The following IQGAP2 variants were observed in gnomAD, a reference collection of about 807,000 sequenced individuals.
IQGAP2 encodes the protein IQ motif containing GTPase activating protein 2.
Under a neutral mutation model 201.3 loss-of-function variants are expected in IQGAP2, and 173 were observed. The ratio of observed to expected loss-of-function variants is 0.86; its 90% CI spans 0.76 to 0.98. The LOEUF (loss-of-function observed/expected upper bound fraction) is 0.98, where lower values mean the gene tolerates loss of function less well. IQGAP2 is among the 50% of genes least tolerant of loss of function. The probability of loss-of-function intolerance (pLI) is 0.00; values close to 1 mark genes in which losing one functional copy is unlikely to be tolerated. For missense variants in IQGAP2, 1,687 were observed against 1,864.8 expected, an observed-to-expected ratio of 0.90 and a Z score of 1.76; for synonymous variants, 675 against 673.9, an observed-to-expected ratio of 1.00 and a Z score of -0.03.
chr5:76,627,521 C>T (rs777608005), intron 14 of IQGAP2, 21 bp downstream of exon 14: 5 of 1,318,400 alleles, frequency 3.8e-6, no homozygotes, highest in Non-Finnish European at 3.3e-6. Context: ...ACCTCCTTTG[C>T]TCTTGAAACT....
chr5:76,658,301 ATT>A (rs962149732), intron 20 of IQGAP2, among the ~76,000 whole-genome samples, 156 bp from the exon 21 acceptor site: 3 of 152,270 alleles, frequency 2.0e-5, no homozygotes, highest in East Asian at 3.9e-4. Flanking sequence ...CCTTGTCCAG[ATT>A]TTAAATTGTG....
chr5:76,413,994 T>G (rs1368290239), intron 1 of IQGAP2, among the ~76,000 whole-genome samples: 1 of 152,160 alleles, frequency 6.6e-6, no homozygotes, highest in African/African-American at 2.4e-5. Context: ...TCTACAAAGT[T>G]AATGAAATTT....
chr5:76,512,935 A>G (rs13166808), intron 2 of IQGAP2, among the ~76,000 whole-genome samples: 1 of 152,150 alleles, frequency 6.6e-6, no homozygotes, highest in African/African-American at 2.4e-5. Flanking sequence ...CACGCCTGTA[A>G]TCCCAGCTAC....
At chr5:76,465,997 C>A (rs1296999656) in intron 2 of IQGAP2, among the ~76,000 whole-genome samples, 1 of 152,070 alleles carries the variant, frequency 6.6e-6, no homozygotes, top group Non-Finnish European at 1.5e-5. Flanking sequence ...ATATTCCCAG[C>A]TGCCTTCTTT....
rs541994564 is a variant in IQGAP2, at chr5:76,626,918, A to G, written c.1522-492A>G. 8.5e-5 allele frequency among the ~76,000 whole-genome samples: 13 copies of G among 152,320 alleles called. No homozygotes were observed. The East Asian group carries it at 2.5e-3, about 29-fold the overall frequency. On this transcript the variant is annotated intron_variant, in intron 13 of 35. Transcript: ENST00000274364. ...AGAGACTCGTGTGAAGGTCTAGAAC[A>G]GGAAGGGGGAAGTAAACGGGTGTGA...
At chr5:76,571,708 G>A (rs1260968282) in intron 4 of IQGAP2, among the ~76,000 whole-genome samples, 1 of 152,080 alleles carries the variant, frequency 6.6e-6, no homozygotes, top group Admixed American at 6.6e-5. Flanking sequence ...TTTTAAACTT[G>A]TTATTTTGAA....
At chr5:76,607,407 CTA>C (rs1747888392) in intron 12 of IQGAP2, 1 of 152,180 alleles carries the variant, frequency 6.6e-6, no homozygotes, top group African/African-American at 2.4e-5. Flanking sequence ...GTGTGCTACC[CTA>C]TATACGGTAC....
At chr5:76,466,623 A>G (rs1477212755) in intron 2 of IQGAP2, among the ~76,000 whole-genome samples, 1 of 152,252 alleles carries the variant, frequency 6.6e-6, no homozygotes, top group Non-Finnish European at 1.5e-5. Flanking sequence ...CCTTTTCAAC[A>G]GAGGATGCTG....
Position 76,689,230 on chromosome 5 carries a change from T to TTAAAAAAAAAAAAA in IQGAP2, c.3906-4125_3906-4124insTAAAAAAAAAAAAA, listed in dbSNP as rs566505116. On this transcript the variant is annotated intron_variant, in intron 30 of 35. Coordinates refer to ENST00000274364, the MANE Select transcript of IQGAP2 (RefSeq NM_006633.5). ...TAATACTACCAAGCACAGGGATATTTAAAAAAAAAAAAAAAAAAAAAAAAA... is the reference window on the plus strand; with the variant it reads ...TAATACTACCAAGCACAGGGATATTTTAAAAAAAAAAAAAAAAAAAAAAAAAAAAAAAAAAAAAA... 3.5e-5 allele frequency among the ~76,000 whole-genome samples: 3 copies of TTAAAAAAAAAAAAA among 86,492 alleles called. 1 individual carries two copies. Among genetic ancestry groups the TTAAAAAAAAAAAAA allele is most frequent in the Admixed American group, 1.5e-4 (1 of 6,632 alleles). 56.7% of individuals were successfully genotyped at this position (86,492 alleles called of 152,430 possible). A position where few individuals can be genotyped will look rare whatever the true frequency, so the allele number is the denominator to read the frequency against.
chr5:76,544,083 C>T lies in IQGAP2; in HGVS notation c.147-18313C>T, dbSNP rs182729603. On this transcript the variant is annotated intron_variant, in intron 2 of 35. Coordinates refer to ENST00000274364, the MANE Select transcript of IQGAP2 (RefSeq NM_006633.5). ...TAGGAATGGGTCCTGGTAGGCATCA[C>T]TTTCTAGCCAGTCCAAAGCCACGCT... Among the ~76,000 whole-genome samples, 148 of 152,226 alleles carry T rather than the reference C, an allele frequency of 9.7e-4. 1 individual carries two copies. The highest frequency in any genetic ancestry group is 3.4e-3 in the African/African-American group (141 of 41,524).
At chr5:76,623,206 C>A (rs1749883070) in intron 13 of IQGAP2, 1 of 1,614,212 alleles carries the variant, frequency 6.2e-7, no homozygotes, top group African/African-American at 1.3e-5. Context: ...AGGAGGCCAG[C>A]AGCTGCAAAG....
intron 13 of IQGAP2, chr5:76,624,415 T>C (rs1330086139): frequency 6.6e-6 from 1 of 152,178 alleles, no homozygotes; most frequent in Non-Finnish European, 1.5e-5. Flanking sequence ...AGGGATATGC[T>C]AGGAAGAAAT....
At chr5:76,549,017 T>C (rs1270539072) in intron 2 of IQGAP2, among the ~76,000 whole-genome samples, 2 of 152,108 alleles carry the variant, frequency 1.3e-5, no homozygotes, top group Non-Finnish European at 2.9e-5. Flanking sequence ...GAAGTCTGTA[T>C]GGCTAAACAG....
intron 2 of IQGAP2, among the ~76,000 whole-genome samples, chr5:76,520,992 C>T (rs1375732217): frequency 1.3e-5 from 2 of 152,176 alleles, no homozygotes; most frequent in African/African-American, 2.4e-5. Flanking sequence ...CAGGCATGTG[C>T]CACCACGCCC....
intron 1 of IQGAP2, among the ~76,000 whole-genome samples, chr5:76,432,110 G>T (rs1046440747): frequency 1.6e-5 from 2 of 126,276 alleles, no homozygotes; most frequent in African/African-American, 5.7e-5. Context: ...TAATGGAATT[G>T]ACTGATCTTT....
intron 3 of IQGAP2, among the ~76,000 whole-genome samples, chr5:76,567,307 C>G (rs1315575481): frequency 6.6e-6 from 1 of 152,194 alleles, no homozygotes; most frequent in African/African-American, 2.4e-5. Flanking sequence ...GGAAATGTTC[C>G]TTGGAGCATT....
intron 35 of IQGAP2, 101 bp downstream of exon 35, chr5:76,702,691 A>AGACAACCAGTGCCAGCCTTATTTGCC: frequency 1.7e-6 from 1 of 603,516 alleles, no homozygotes; most frequent in South Asian, 2.3e-5. Context: ...AAAGTTTAAC[A>AGACAACCAGTGCCAGCCTTATTTGCC]GAAAACCAGT....
At chr5:76,596,545 G>T (rs1473882903) in intron 9 of IQGAP2, among the ~76,000 whole-genome samples, 1 of 152,172 alleles carries the variant, frequency 6.6e-6, no homozygotes. Context: ...ATAAAGAACT[G>T]CTTGAGACTG....
chr5:76,591,680 C>CT (rs1746664155), intron 8 of IQGAP2, among the ~76,000 whole-genome samples: 1 of 152,210 alleles, frequency 6.6e-6, no homozygotes, highest in Non-Finnish European at 1.5e-5. Flanking sequence ...CCTCTTCCTT[C>CT]TCCCTCTCAG....
Sources: gnomAD v4.1 joint callset for allele counts (sites outside exome capture counted in the v4.1 genomes callset) on GRCh38, gnomAD v4.1.1 for gene constraint, MANE v1.5 for transcripts, NCBI Gene and HGNC (gene_info 2026-07-23, HGNC 2026-07-21) for gene names.